The following KCNH1 variants were observed in gnomAD, a reference collection of about 807,000 sequenced individuals.
The protein encoded by KCNH1 is voltage-gated delayed rectifier potassium channel KCNH1.
KCNH1 carries 27 observed loss-of-function variants against 69.2 expected under a neutral mutation model. That is an observed-to-expected ratio of 0.39 (90% confidence interval 0.29 to 0.54). KCNH1 has a LOEUF of 0.54. KCNH1 is among the 20% of genes least tolerant of loss of function. The probability of loss-of-function intolerance (pLI) is 0.68; values close to 1 mark genes in which losing one functional copy is unlikely to be tolerated. For missense variants in KCNH1, 798 were observed against 1,261.6 expected (o/e 0.63, Z 5.57); for synonymous variants, 456 against 487.7 (o/e 0.93, Z 0.86).
chr1:210,997,432 T>C (rs1269128994), intron 6 of KCNH1, among the ~76,000 whole-genome samples: 2 of 151,862 alleles, frequency 1.3e-5, no homozygotes, highest in African/African-American at 4.8e-5. Context: ...ATGAAATGAA[T>C]GAAACGAAGC....
intron 1 of KCNH1, among the ~76,000 whole-genome samples, chr1:211,127,858 G>A (rs565174775): frequency 1.4e-4 from 22 of 152,292 alleles, no homozygotes; most frequent in Middle Eastern, 3.4e-3. Flanking sequence ...CAAGAGAAAT[G>A]TGTGCCCACA....
chr1:210,779,252 T>G (rs1237869207), intron 9 of KCNH1, among the ~76,000 whole-genome samples: 1 of 152,252 alleles, frequency 6.6e-6, no homozygotes, highest in African/African-American at 2.4e-5. Flanking sequence ...GAAAATCATA[T>G]AACTTTACTT....
At chr1:211,070,060 A>G (rs1346578860) in intron 5 of KCNH1, among the ~76,000 whole-genome samples, 3 of 152,062 alleles carry the variant, frequency 2.0e-5, no homozygotes, top group East Asian at 1.9e-4. Context: ...ATCACTGAGA[A>G]TTTTCCCAAA....
chr1:210,739,968 AG>A (rs1212311064), intron 10 of KCNH1, among the ~76,000 whole-genome samples: 2 of 151,884 alleles, frequency 1.3e-5, no homozygotes, highest in Non-Finnish European at 2.9e-5. Context: ...CCAAGATACC[AG>A]GGGGGGAAAA....
chr1:210,775,627 T>C (rs976754869), intron 9 of KCNH1, 83 bp from the exon 10 acceptor site: 9 of 1,011,110 alleles, frequency 8.9e-6, no homozygotes, highest in Middle Eastern at 3.2e-4. Flanking sequence ...TTCCCCAGAA[T>C]TGCTGTCCTT....
chr1:210,693,288 G>A (rs1436688473), intron 10 of KCNH1, among the ~76,000 whole-genome samples: 2 of 152,144 alleles, frequency 1.3e-5, no homozygotes, highest in Non-Finnish European at 2.9e-5. Context: ...TCTAGTCCCA[G>A]CCTGAATATT....
chr1:211,049,978 G>A (rs1209041932), intron 5 of KCNH1, among the ~76,000 whole-genome samples: 1 of 152,028 alleles, frequency 6.6e-6, no homozygotes, highest in African/African-American at 2.4e-5. Flanking sequence ...GTCCCAGAGT[G>A]CTCACCACTT....
At chr1:210,871,802 A>ATTTTACT (rs1686254753) in intron 7 of KCNH1, among the ~76,000 whole-genome samples, 3 of 149,812 alleles carry the variant, frequency 2.0e-5, no homozygotes, top group Non-Finnish European at 3.0e-5. Flanking sequence ...TATCGCAAGA[A>ATTTTACT]CAAAAAACCA....
In KCNH1 at chr1:210,803,837, C is replaced by A. The variant is rs79936010; in HGVS notation, c.1662+130G>T. The A allele has an allele frequency of 6.6e-6, 5 of 752,874 alleles. No individual in the cohort carries two copies. The East Asian group carries it at 1.2e-4, about 19-fold the overall frequency. 46.6% of individuals were successfully genotyped at this position (752,874 alleles called of 1,614,324 possible). A position where few individuals can be genotyped will look rare whatever the true frequency, so the allele number is the denominator to read the frequency against. On this transcript the variant is annotated intron_variant, in intron 8 of 10. Coordinates refer to ENST00000271751, the MANE Select transcript of KCNH1 (RefSeq NM_172362.3). ...CAAACAAGACCTCTGGAGGTAGGAC[C>A]TGGAATCCCAAAGTACTCAAGTGAA...
At chr1:211,007,985 G>C (rs1184736860) in intron 6 of KCNH1, among the ~76,000 whole-genome samples, 1 of 152,178 alleles carries the variant, frequency 6.6e-6, no homozygotes, top group African/African-American at 2.4e-5. Flanking sequence ...ATGCAAAACA[G>C]TATAGTAGTT....
chr1:210,917,229 G>GAGAGAGAGAGAGAGAGAAAGAA, intron 7 of KCNH1, among the ~76,000 whole-genome samples: 1 of 78,870 alleles, frequency 1.3e-5, no homozygotes, highest in African/African-American at 5.2e-5. Flanking sequence ...GAGAGAGAGA[G>GAGAGAGAGAGAGAGAGAAAGAA]AGAAAGAAAG....
intron 7 of KCNH1, among the ~76,000 whole-genome samples, chr1:210,867,560 C>T (rs1316785524): frequency 6.6e-6 from 1 of 151,916 alleles, no homozygotes; most frequent in Non-Finnish European, 1.5e-5. Context: ...ACAAAGTACT[C>T]CCATTTCAGT....
At chr1:210,861,724 A>G (rs888308685) in intron 7 of KCNH1, 17 of 774,590 alleles carry the variant, frequency 2.2e-5, no homozygotes, top group South Asian at 1.1e-4. Context: ...CTGGTCAGAA[A>G]GAAGCTGGAT....
At chr1:210,729,396 T>G (rs1682687454) in intron 10 of KCNH1, among the ~76,000 whole-genome samples, 1 of 152,232 alleles carries the variant, frequency 6.6e-6, no homozygotes, top group Non-Finnish European at 1.5e-5. Flanking sequence ...AGTCTAACTT[T>G]CAATACTTAC....
At chr1:211,098,170 A>T (rs1691192319) in intron 3 of KCNH1, among the ~76,000 whole-genome samples, 1 of 152,032 alleles carries the variant, frequency 6.6e-6, no homozygotes, top group African/African-American at 2.4e-5. Context: ...TACAAAAAAA[A>T]ATTAGCTGAG....
intron 5 of KCNH1, among the ~76,000 whole-genome samples, chr1:211,064,464 G>A (rs183850507): frequency 2.7e-4 from 41 of 152,252 alleles, no homozygotes; most frequent in Non-Finnish European, 4.0e-4. Flanking sequence ...GGGAGGCTGA[G>A]GCAGGAGAAT....
At chr1:211,073,008 T>C (rs1308581470) in intron 5 of KCNH1, among the ~76,000 whole-genome samples, 3 of 152,154 alleles carry the variant, frequency 2.0e-5, no homozygotes, top group African/African-American at 7.2e-5. Context: ...AGACACATAT[T>C]GATTAAAAAG....
intron 6 of KCNH1, among the ~76,000 whole-genome samples, chr1:210,984,630 G>A (rs1571551634): frequency 6.6e-6 from 1 of 152,212 alleles, no homozygotes; most frequent in Non-Finnish European, 1.5e-5. Flanking sequence ...AAGCCCACTT[G>A]ATCATGGTGG....
At chr1:210,997,625 C>A (rs562040344) in intron 6 of KCNH1, among the ~76,000 whole-genome samples, 13 of 152,148 alleles carry the variant, frequency 8.5e-5, no homozygotes, top group East Asian at 3.9e-4. Flanking sequence ...CAATTTAGCA[C>A]GACAGGCCAA....
Sources: allele counts gnomAD v4.1 joint callset (sites outside exome capture counted in the v4.1 genomes callset), GRCh38; gene constraint gnomAD v4.1.1; transcripts MANE v1.5; gene names NCBI Gene and HGNC (gene_info 2026-07-23, HGNC 2026-07-21).